METTL27: variants seen among roughly 807,000 people sequenced by gnomAD.
METTL27 encodes the protein methyltransferase like 27, also known as methyltransferase-like protein 27.
A neutral mutation model predicts 24.5 loss-of-function variants in METTL27; 29 were observed. The ratio of observed to expected loss-of-function variants is 1.18; its 90% confidence interval spans 0.88 to 1.61. The LOEUF is 1.61. METTL27 is among the 40% of genes most tolerant of loss of function. The pLI is 0.00. For synonymous variants in METTL27, 138 were observed against 146.8 expected (o/e 0.94, Z 0.43); for missense variants, 341 against 324.3 (o/e 1.05, Z -0.40).
Position 73,835,143 on chromosome 7 carries a change from C to CCCTCCTCTCCCT in METTL27, c.479-142_479-141insAGGGAGAGGAGG, listed in dbSNP as rs567433438. 2.0e-4 allele frequency: 200 copies of CCCTCCTCTCCCT among 996,342 alleles called. 1 individual carries two copies. Among genetic ancestry groups the CCCTCCTCTCCCT allele is most frequent in the Admixed American group, 7.2e-4 (16 of 22,302 alleles). 61.7% of individuals were successfully genotyped at this position (996,342 alleles called of 1,614,324 possible). A position where few individuals can be genotyped will look rare whatever the true frequency, so the allele number is the denominator to read the frequency against. The stretch of plus-strand genomic sequence containing the variant: ...GCTCTCTCCCTCTCCCTCTCCCTCT[C>CCCTCCTCTCCCT]CCTCTCCCTCCTCTCCCTCCTCTCC... On this transcript the variant is annotated intron_variant, in intron 5 of 5. Transcript: ENST00000297873.
rs1330743401 is a variant in METTL27, at chr7:73,837,701, T to A, written c.478+2330A>T. 4.6e-5 allele frequency among the ~76,000 whole-genome samples: 7 copies of A among 152,160 alleles called. No individual in the cohort carries two copies. The East Asian group carries it at 1.3e-3, about 29-fold the overall frequency. On this transcript the variant is annotated intron_variant, in intron 5 of 5. Coordinates refer to ENST00000297873, the MANE Select transcript of METTL27 (RefSeq NM_152559.3). Reference sequence around the variant, plus strand: ...GTCTCAGCCTCCCTTGCAGCTGGGATTACAGGCACGTGCCACCACGCCCGG... The same window carrying A: ...GTCTCAGCCTCCCTTGCAGCTGGGAATACAGGCACGTGCCACCACGCCCGG...
At chr7:73,838,032 T>TG (rs1460593223) in intron 5 of METTL27, among the ~76,000 whole-genome samples, 1 of 151,874 alleles carries the variant, frequency 6.6e-6, no homozygotes, top group East Asian at 1.9e-4. Flanking sequence ...CATTTTTTTT[T>TG]TGTAGAGATG....
At chr7:73,840,160 C>T (rs1788311306) in intron 4 of METTL27, 40 bp from the exon 5 acceptor site, 1 of 1,569,850 alleles carries the variant, frequency 6.4e-7, no homozygotes, top group Non-Finnish European at 8.6e-7. Flanking sequence ...TGGTGTGATG[C>T]TTGGAAGGTA....
rs1584342115 is a variant in METTL27, at chr7:73,842,013, T to C, written c.123+5A>G. On this transcript the variant is annotated splice_donor_5th_base_variant and intron_variant, in intron 2 of 5. Coordinates refer to ENST00000297873, the MANE Select transcript of METTL27 (RefSeq NM_152559.3). Reference sequence around the variant, plus strand: ...TAGTGGAGGCAAGGCCCCAAATGAGTTTACCTGGTCGTAGTCCGGAGCCCA... The same window carrying C: ...TAGTGGAGGCAAGGCCCCAAATGAGCTTACCTGGTCGTAGTCCGGAGCCCA... The C allele has an allele frequency of 6.2e-7, 1 of 1,613,892 alleles. No individual in the cohort carries two copies. The highest frequency in any genetic ancestry group is 8.5e-7 in the Non-Finnish European group (1 of 1,179,944).
intron 4 of METTL27, 140 bp from the exon 5 acceptor site, chr7:73,840,260 G>A (rs1554636088): frequency 6.9e-7 from 1 of 1,458,842 alleles, no homozygotes; most frequent in Non-Finnish European, 9.2e-7. Context: ...AGAGGATAAG[G>A]TAAGTATGGC....
At position 73,840,132 on chromosome 7, in the gene METTL27, TGGG is replaced by T; in HGVS notation, c.389-15_389-13del. On this transcript the variant is annotated splice_polypyrimidine_tract_variant and intron_variant, in intron 4 of 5. Transcript: ENST00000297873. ...CGCGTCGAAGGTCCCTGTGTGTGTG[TGGG>T]GGGGGGTGGGGACATGGTGTGATGC... 3 of 820,016 alleles carry T rather than the reference TGGG, an allele frequency of 3.7e-6. No individual in the cohort carries two copies. The highest frequency in any genetic ancestry group is 4.9e-6 in the Non-Finnish European group (3 of 618,366). The allele number at this position is 820,016 out of a possible 1,614,324, so 50.8% of individuals were successfully genotyped here.
intron 1 of METTL27, 65 bp downstream of exon 1, chr7:73,842,425 G>A: frequency 2.4e-6 from 1 of 408,788 alleles, no homozygotes; most frequent in South Asian, 3.7e-5. Flanking sequence ...CCGACTGAGA[G>A]AGGGTCGGAG....
intron 1 of METTL27, 121 bp from the exon 2 acceptor site, chr7:73,842,265 C>T: frequency 6.9e-7 from 1 of 1,446,244 alleles, no homozygotes; most frequent in Non-Finnish European, 9.1e-7. Context: ...GACCCCTATC[C>T]CGGCCCCTAT....
At position 73,841,102 on chromosome 7, in the gene METTL27, C is replaced by T. The variant is rs138745387; in HGVS notation, c.220G>A (p.Val74Met). The T allele has an allele frequency of 2.3e-4, 349 of 1,517,870 alleles. No individual in the cohort carries two copies. In the African/African-American group the frequency reaches 4.3e-3, roughly 19 times the overall value. 94.0% of individuals were successfully genotyped at this position (1,517,870 alleles called of 1,614,324 possible). ...GPPHSALILD[V>M]ACGTGLVAAE... ...GCCACTAGGCCTGTGCCACAGGCCA[C>T]GTCCAGGATCAGGGCACTGTGGGGC... Residue 74 changes from valine (V) to methionine (M), a missense_variant, in exon 3 of 6, where the codon GTG (valine) becomes ATG (methionine). Val to Met is a conservative substitution (Grantham distance 21, BLOSUM62 1). Transcript: ENST00000297873.
chr7:73,838,913 G>GTTCTCATGCTCAA (rs1788281222), intron 5 of METTL27, among the ~76,000 whole-genome samples: 1 of 151,860 alleles, frequency 6.6e-6, no homozygotes, highest in Non-Finnish European at 1.5e-5. Flanking sequence ...CTCATGCTCA[G>GTTCTCATGCTCAA]CCCCTCTCCT....
chr7:73,834,776 G>C lies in METTL27; in HGVS notation c.705C>G (p.Thr235=), dbSNP rs782592532. ...MASSPALSTC[T]ESGRRPRLRK is the part of the protein sequence containing the mutation. ...TCAACCTGGGTCGCCTTCCACTTTCGGTACAGGTAGACAATGCCGGAGATG... is the reference window on the plus strand; with the variant it reads ...TCAACCTGGGTCGCCTTCCACTTTCCGTACAGGTAGACAATGCCGGAGATG... The change falls in exon 6 of 6, where the codon ACC becomes ACG. Residue 235 remains threonine, a synonymous_variant. Transcript: ENST00000297873. 2.5e-6 allele frequency: 4 copies of C among 1,614,148 alleles called. No homozygotes were observed. The highest frequency in any genetic ancestry group is 2.2e-5 in the East Asian group (1 of 44,882).
chr7:73,839,169 G>GCC (rs1788286259), intron 5 of METTL27, among the ~76,000 whole-genome samples: 1 of 152,226 alleles, frequency 6.6e-6, no homozygotes, highest in African/African-American at 2.4e-5. Flanking sequence ...TGTAATCCCA[G>GCC]CTACTTGGGA....
chr7:73,841,196 A>G lies in METTL27; in HGVS notation c.126T>C (p.Asp42=). 1 of 1,556,214 alleles carries G rather than the reference A, an allele frequency of 6.4e-7. No individual in the cohort carries two copies. Among genetic ancestry groups the G allele is most frequent in the Non-Finnish European group, 8.6e-7 (1 of 1,158,414 alleles). Residue 42 remains aspartate (D), a splice_region_variant and synonymous_variant, in exon 3 of 6, where the codon GAT becomes GAC. Coordinates refer to ENST00000297873, the MANE Select transcript of METTL27 (RefSeq NM_152559.3). ...GCGCACGGTACAGCAGGGTGGCCAC[A>G]TCCTGGGGAAAGAGTGCCGGGCCTA... The part of the protein sequence containing the change: ...YDRWAPDYDQ[D]VATLLYRAPR...
Position 73,834,933 on chromosome 7 carries a change from G to A in METTL27, c.548C>T (p.Thr183Ile). 1 of 1,614,000 alleles carries A rather than the reference G, an allele frequency of 6.2e-7. No homozygotes were observed. Among genetic ancestry groups the A allele is most frequent in the Non-Finnish European group, 8.5e-7 (1 of 1,180,006 alleles). Residue 183 changes from threonine to isoleucine, a missense_variant, in exon 6 of 6, where the codon ACC (threonine) becomes ATC (isoleucine). Thr to Ile is a moderately conservative substitution (Grantham distance 89). Coordinates refer to ENST00000297873, the MANE Select transcript of METTL27 (RefSeq NM_152559.3). ...CCCAGCCTGCTCCAGCCTGTCCAGG[G>A]TGGCCTCCAGAGCCTCCTTGTATTG... ...NLQYKEALEA[T>I]LDRLEQAGMW...
rs951694508 is a variant in METTL27 at position 73,842,506 on chromosome 7, C to G, written c.-21G>C. ...AGAACTCACCGCCAATCCAGCGCGC[C>G]TCGGGCGTGTGGGCAACAGGACTCG... is the stretch of plus-strand genomic sequence containing the variant. On this transcript the variant is annotated 5_prime_UTR_variant, in exon 1 of 6. Transcript: ENST00000297873. 4.1e-6 allele frequency: 1 copy of G among 244,054 alleles called. No homozygotes were observed. The highest frequency in any genetic ancestry group is 7.8e-6 in the Non-Finnish European group (1 of 128,880). 15.1% of individuals were successfully genotyped at this position (244,054 alleles called of 1,614,324 possible).
Position 73,840,134 on chromosome 7 carries a change from GGGGGGGGT to G in METTL27, c.389-22_389-15del. ...CGTCGAAGGTCCCTGTGTGTGTGTG[GGGGGGGGT>G]GGGGACATGGTGTGATGCTTGGAAG... On this transcript the variant is annotated splice_polypyrimidine_tract_variant and intron_variant, in intron 4 of 5. Coordinates refer to ENST00000297873, the MANE Select transcript of METTL27 (RefSeq NM_152559.3). 6.8e-7 allele frequency: 1 copy of G among 1,480,636 alleles called. No homozygotes were observed. Among genetic ancestry groups the G allele is most frequent in the Non-Finnish European group, 9.3e-7 (1 of 1,080,904 alleles). The allele number at this position is 1,480,636 out of a possible 1,614,324, so 91.7% of individuals were successfully genotyped here. A position where few individuals can be genotyped will look rare whatever the true frequency, so the allele number is the denominator to read the frequency against.
Position 73,842,160 on chromosome 7 carries a change from T to C in METTL27, c.-4-16A>G, listed in dbSNP as rs1554636638. The C allele has an allele frequency of 6.3e-7, 1 of 1,594,068 alleles. No individual in the cohort carries two copies. The highest frequency in any genetic ancestry group is 8.5e-7 in the Non-Finnish European group (1 of 1,172,484). ...GGCCATGCTCCTGTGGGGACACCGT[T>C]GCCCTGTCTCGAGGTCCACCTCAAT... On this transcript the variant is annotated splice_polypyrimidine_tract_variant and intron_variant, in intron 1 of 5. Coordinates refer to ENST00000297873, the MANE Select transcript of METTL27 (RefSeq NM_152559.3).
At chr7:73,837,558 C>T (rs1473578977) in intron 5 of METTL27, among the ~76,000 whole-genome samples, 2 of 150,146 alleles carry the variant, frequency 1.3e-5, no homozygotes, top group Non-Finnish European at 3.0e-5. Context: ...TTGGGAATTC[C>T]TTTTTCTTTC....
chr7:73,841,321 C>A (rs1788348836), intron 2 of METTL27, 123 bp from the exon 3 acceptor site: 5 of 1,401,546 alleles, frequency 3.6e-6, no homozygotes, highest in Non-Finnish European at 4.7e-6. Context: ...CTGGCTGGGG[C>A]TAGCGTGAGG....
Sources: gnomAD v4.1 joint callset for allele counts (sites outside exome capture counted in the v4.1 genomes callset) on GRCh38, gnomAD v4.1.1 for gene constraint, MANE v1.5 for transcripts, NCBI Gene and HGNC (gene_info 2026-07-23, HGNC 2026-07-21) for gene names.